The following PADI2 variants were observed in gnomAD, a reference collection of about 807,000 sequenced individuals.
PADI2 encodes the protein peptidyl arginine deiminase 2.
A neutral mutation model predicts 81.1 loss-of-function variants in PADI2; 70 were observed. The observed-to-expected ratio is 0.86, with a 90% CI of 0.71 to 1.05. PADI2 has a LOEUF of 1.05. PADI2 is among the 50% of genes least tolerant of loss of function. PADI2 has a pLI of 0.00. For missense variants in PADI2, 853 were observed against 889.9 expected (o/e 0.96, Z 0.53); for synonymous variants, 338 against 358.0 (o/e 0.94, Z 0.63).
At chr1:17,069,691 A>C (rs1388348413) in intron 15 of PADI2, among the ~76,000 whole-genome samples, 1 of 152,126 alleles carries the variant, frequency 6.6e-6, no homozygotes, top group Non-Finnish European at 1.5e-5. Flanking sequence ...ATATGTGTCC[A>C]TGCATGCACA....
chr1:17,090,170 A>G (rs886690812), intron 6 of PADI2, among the ~76,000 whole-genome samples: 2 of 152,224 alleles, frequency 1.3e-5, no homozygotes, highest in African/African-American at 4.8e-5. Flanking sequence ...TCATCATCAT[A>G]ATCTCAACAA....
intron 3 of PADI2, among the ~76,000 whole-genome samples, chr1:17,101,901 G>T (rs976226365): frequency 5.3e-5 from 8 of 152,162 alleles, no homozygotes; most frequent in Non-Finnish European, 7.3e-5. Context: ...TCTATCCTTG[G>T]AATAGTTGGA....
chr1:17,094,769 C>T (rs1187811550), intron 4 of PADI2, among the ~76,000 whole-genome samples: 3 of 152,248 alleles, frequency 2.0e-5, no homozygotes, highest in South Asian at 2.1e-4. Flanking sequence ...TCATGGGGAT[C>T]GTGTGACTTT....
At chr1:17,072,009 A>G (rs974616389) in intron 13 of PADI2, among the ~76,000 whole-genome samples, 50 of 151,540 alleles carry the variant, frequency 3.3e-4, no homozygotes, top group African/African-American at 1.1e-3. Flanking sequence ...AGCACCTACT[A>G]TGTGGCCGAC....
In PADI2 at chr1:17,119,157, C is replaced by T. The variant is rs1931855539; in HGVS notation, c.92+123G>A. 7.8e-6 allele frequency: 5 copies of T among 639,868 alleles called. No individual in the cohort carries two copies. The highest frequency in any genetic ancestry group is 2.6e-6 in the Non-Finnish European group (1 of 383,564). 39.6% of individuals were successfully genotyped at this position (639,868 alleles called of 1,614,324 possible). On this transcript the variant is annotated intron_variant, in intron 1 of 15. Transcript: ENST00000375486. The surrounding 1 kb of genome is among the most constrained non-coding windows in gnomAD (Gnocchi z 4.8). ...ATGAGATTCTTAGGATTTCTGGGCTCGGGGGCTCGGGATGAGGGACAACTC... is the reference window on the plus strand; with the variant it reads ...ATGAGATTCTTAGGATTTCTGGGCTTGGGGGCTCGGGATGAGGGACAACTC...
intron 5 of PADI2, 41 bp from the exon 6 acceptor site, chr1:17,092,574 C>T (rs1458216938): frequency 6.6e-7 from 1 of 1,507,896 alleles, no homozygotes; most frequent in Non-Finnish European, 8.9e-7. Flanking sequence ...CTATCTGTTG[C>T]TGGAGCCTCA....
At chr1:17,097,572 G>A (rs1014612808) in intron 3 of PADI2, among the ~76,000 whole-genome samples, 2 of 152,144 alleles carry the variant, frequency 1.3e-5, no homozygotes, top group African/African-American at 2.4e-5. Flanking sequence ...ACCAGGCAAC[G>A]GGCAATGGAG....
chr1:17,093,648 T>C lies in PADI2; in HGVS notation c.448A>G (p.Ile150Val). ...TCTCGGTCACAGTTCACCAGCAGGA[T>C]GGCCCCCTGGCCCTCGGGGCCCCAG... ...WTWGPEGQGA[I>V]LLVNCDRETP... The change falls in exon 5 of 16, where the codon ATC (isoleucine) becomes GTC (valine). Residue 150 changes from isoleucine (I) to valine (V), a missense_variant. By Grantham distance (29) the Ile-to-Val change is conservative. Transcript: ENST00000375486. 6.2e-7 allele frequency: 1 copy of C among 1,613,962 alleles called. No homozygotes were observed. Among genetic ancestry groups the C allele is most frequent in the Non-Finnish European group, 8.5e-7 (1 of 1,179,886 alleles).
chr1:17,088,409 G>A (rs114516179), intron 6 of PADI2, among the ~76,000 whole-genome samples: 201 of 152,272 alleles, frequency 1.3e-3, no homozygotes, highest in African/African-American at 4.7e-3. Flanking sequence ...AAGCCGAATA[G>A]CCTGGCACAA....
intron 1 of PADI2, among the ~76,000 whole-genome samples, chr1:17,107,465 T>A (rs1931424276): frequency 6.6e-6 from 1 of 152,158 alleles, no homozygotes; most frequent in Non-Finnish European, 1.5e-5. Context: ...CGGCGGCACC[T>A]GGAGGTCTTG....
intron 5 of PADI2, 132 bp from the exon 6 acceptor site, chr1:17,092,665 G>A (rs749542132): frequency 2.5e-6 from 2 of 791,416 alleles, no homozygotes; most frequent in East Asian, 3.0e-5. Context: ...AAAGCATAAA[G>A]AGGCTGGGTG....
At position 17,068,022 on chromosome 1, in the gene PADI2, T is replaced by C. The variant is rs202070587; in HGVS notation, c.*1022A>G. 2 of 152,640 alleles carry C rather than the reference T, an allele frequency of 1.3e-5. No homozygotes were observed. The highest frequency in any genetic ancestry group is 1.3e-4 in the Admixed American group (2 of 15,278). 9.5% of individuals were successfully genotyped at this position (152,640 alleles called of 1,614,324 possible). On this transcript the variant is annotated 3_prime_UTR_variant, in exon 16 of 16. Transcript: ENST00000375486. The stretch of plus-strand genomic sequence containing the variant: ...TTGGCAGCTGACCCAGAACTGGCTG[T>C]TGGGCTGGAGGGTAGGCCAGGGTCC...
intron 3 of PADI2, among the ~76,000 whole-genome samples, chr1:17,098,332 C>T (rs1248309546): frequency 6.6e-6 from 1 of 152,236 alleles, no homozygotes. Flanking sequence ...GGTGACATTA[C>T]ATTGGGACTC....
chr1:17,075,518 AT>A (rs2078295578), intron 12 of PADI2, 160 bp downstream of exon 12: 3 of 605,382 alleles, frequency 5.0e-6, no homozygotes, highest in Admixed American at 7.5e-5. Flanking sequence ...TGGGGTTAAA[AT>A]TTTACCTGCC....
intron 2 of PADI2, 66 bp from the exon 3 acceptor site, chr1:17,103,125 GA>G: frequency 8.3e-7 from 1 of 1,201,516 alleles, no homozygotes; most frequent in South Asian, 1.3e-5. Context: ...TCACAAGCAG[GA>G]AAACCTGAAG....
chr1:17,080,984 G>T (rs903975328), intron 10 of PADI2, among the ~76,000 whole-genome samples: 3 of 152,224 alleles, frequency 2.0e-5, no homozygotes, highest in Non-Finnish European at 2.9e-5. Flanking sequence ...CTGGGGTGCT[G>T]GGGCTCTGCA....
intron 1 of PADI2, among the ~76,000 whole-genome samples, chr1:17,108,559 C>G (rs1206246099): frequency 6.6e-6 from 1 of 151,960 alleles, no homozygotes; most frequent in East Asian, 2.0e-4. Context: ...TCTTCAGAGC[C>G]TAGCACAGGG....
intron 13 of PADI2, among the ~76,000 whole-genome samples, chr1:17,074,034 T>A (rs1156608971): frequency 6.6e-6 from 1 of 152,232 alleles, no homozygotes; most frequent in African/African-American, 2.4e-5. Context: ...TCTATCTCTC[T>A]TTCTAAAATA....
At chr1:17,078,546 G>A (rs2078321703) in intron 11 of PADI2, among the ~76,000 whole-genome samples, 1 of 152,034 alleles carries the variant, frequency 6.6e-6, no homozygotes, top group South Asian at 2.1e-4. Context: ...TTACCACCAT[G>A]CCTGCTAATA....
Sources: allele counts gnomAD v4.1 joint callset (sites outside exome capture counted in the v4.1 genomes callset), GRCh38; gene constraint gnomAD v4.1.1; non-coding constraint Gnocchi (gnomAD v3.1); transcripts MANE v1.5; gene names NCBI Gene and HGNC (gene_info 2026-07-23, HGNC 2026-07-21).